The following ZNF804B variants were observed in gnomAD, a reference collection of about 807,000 sequenced individuals.
ZNF804B encodes zinc finger protein 804B.
A neutral mutation model predicts 101.4 loss-of-function variants in ZNF804B; 80 were observed. The ratio of observed to expected loss-of-function variants is 0.79; its 90% CI spans 0.66 to 0.95. The LOEUF (loss-of-function observed/expected upper bound fraction) is 0.95. Among genes scored for constraint, ZNF804B ranks in the 40% least tolerant of loss-of-function variants. The pLI is 0.00. For synonymous variants in ZNF804B, 622 were observed against 558.8 expected (o/e 1.11, Z -1.59); for missense variants, 1,673 against 1,561.9 (o/e 1.07, Z -1.20).
At chr7:88,947,308 A>G (rs889058679) in intron 1 of ZNF804B, among the ~76,000 whole-genome samples, 15 of 152,208 alleles carry the variant, frequency 9.9e-5, no homozygotes, top group African/African-American at 3.6e-4. Context: ...AATGTGGCAT[A>G]TATACAACAT....
chr7:89,278,036 G>A (rs1014118642), intron 2 of ZNF804B, among the ~76,000 whole-genome samples: 7 of 152,226 alleles, frequency 4.6e-5, no homozygotes, highest in South Asian at 4.1e-4. Context: ...TGTAATGATT[G>A]CCATTCTAAC....
chr7:88,922,754 A>G (rs1311687609), intron 1 of ZNF804B, among the ~76,000 whole-genome samples: 2 of 152,032 alleles, frequency 1.3e-5, no homozygotes, highest in Non-Finnish European at 2.9e-5. Flanking sequence ...TCATAATAGT[A>G]ATTTATGAAA....
intron 1 of ZNF804B, among the ~76,000 whole-genome samples, chr7:88,807,973 G>A (rs1790718372): frequency 6.6e-6 from 1 of 152,162 alleles, no homozygotes; most frequent in Non-Finnish European, 1.5e-5. Context: ...TCTGGTTGCT[G>A]TTAGTGTGAG....
intron 1 of ZNF804B, among the ~76,000 whole-genome samples, chr7:88,831,882 C>G (rs1231739926): frequency 6.6e-6 from 1 of 151,700 alleles, no homozygotes; most frequent in Non-Finnish European, 1.5e-5. Context: ...TCCATGTTGC[C>G]TTTTAAAATT....
At chr7:88,768,548 C>G (rs1048888334) in intron 1 of ZNF804B, among the ~76,000 whole-genome samples, 5 of 152,126 alleles carry the variant, frequency 3.3e-5, no homozygotes, top group Non-Finnish European at 2.9e-5. Flanking sequence ...CAAAACCCAT[C>G]TCTACTAAAA....
At chr7:88,854,415 CT>C (rs1370526188) in intron 1 of ZNF804B, among the ~76,000 whole-genome samples, 108 of 51,338 alleles carry the variant, frequency 2.1e-3, no homozygotes, top group Middle Eastern at 0.01. Context: ...TTCTTTCTTC[CT>C]TTCTTTCTTT....
intron 1 of ZNF804B, among the ~76,000 whole-genome samples, chr7:88,801,294 A>C (rs977378568): frequency 6.6e-6 from 1 of 150,944 alleles, no homozygotes; most frequent in African/African-American, 2.4e-5. Context: ...GAGTGGTGGG[A>C]GGAGAGGGGA....
intron 3 of ZNF804B, among the ~76,000 whole-genome samples, chr7:89,331,613 C>T (rs569843066): frequency 9.9e-5 from 15 of 151,500 alleles, no homozygotes; most frequent in Non-Finnish European, 1.9e-4. Context: ...GAAGAGGAGA[C>T]GTTCTAAAAT....
chr7:88,850,372 G>C (rs566599994), intron 1 of ZNF804B, among the ~76,000 whole-genome samples: 1 of 152,154 alleles, frequency 6.6e-6, no homozygotes, highest in East Asian at 1.9e-4. Context: ...AGAGGTGAGA[G>C]ACACACAGAC....
rs147635522 is a variant in ZNF804B, at chr7:88,857,755, T to C, written c.108+97671T>C. Among the ~76,000 whole-genome samples, 71 of 151,890 alleles carry C rather than the reference T, an allele frequency of 4.7e-4. 1 individual carries two copies. Among genetic ancestry groups the C allele is most frequent in the African/African-American group, 1.7e-3 (69 of 41,396 alleles). ...AGAAAAAGAGGGAATCCTCCTTCAT[T>C]TTATGAGGCCAGCATAATCCTGATA... On this transcript the variant is annotated intron_variant, in intron 1 of 3. Coordinates refer to ENST00000333190, the MANE Select transcript of ZNF804B (RefSeq NM_181646.5).
At chr7:88,854,100 C>T (rs904637387) in intron 1 of ZNF804B, among the ~76,000 whole-genome samples, 6 of 151,858 alleles carry the variant, frequency 4.0e-5, no homozygotes, top group African/African-American at 1.5e-4. Flanking sequence ...TAGTGGTTTC[C>T]GTATTTCTTG....
chr7:89,071,230 A>G (rs79024448), intron 1 of ZNF804B, among the ~76,000 whole-genome samples: 2 of 152,124 alleles, frequency 1.3e-5, no homozygotes, highest in Non-Finnish European at 2.9e-5. Flanking sequence ...CACCCCATGC[A>G]TGTGGAACCC....
At chr7:89,324,689 A>G (rs995941947) in intron 2 of ZNF804B, among the ~76,000 whole-genome samples, 5 of 142,392 alleles carry the variant, frequency 3.5e-5, no homozygotes, top group Non-Finnish European at 6.0e-5. Flanking sequence ...CCTCCTGGCT[A>G]AAACACTTTA....
chr7:88,854,549 T>TCCCTTCCCTTC lies in ZNF804B; in HGVS notation c.108+94467_108+94468insCTTCCCTTCCC, dbSNP rs1554340280. Among the ~76,000 whole-genome samples the TCCCTTCCCTTC allele has an allele frequency of 3.3e-5, 4 of 120,388 alleles. No homozygotes were observed. In the East Asian group the frequency reaches 1.1e-3, roughly 34 times the overall value. The allele number at this position is 120,388 out of a possible 152,430, so 79.0% of individuals were successfully genotyped here. Reference sequence around the variant, plus strand: ...TCCTTTCCTTCCTTCCTTCCTTCCTTCCTTCCTTCCTTCCTTCCTTCCTTC... The same window carrying TCCCTTCCCTTC: ...TCCTTTCCTTCCTTCCTTCCTTCCTTCCCTTCCCTTCCCTTCCTTCCTTCCTTCCTTCCTTC... On this transcript the variant is annotated intron_variant, in intron 1 of 3. Transcript: ENST00000333190.
chr7:89,278,340 A>G (rs1208434855), intron 2 of ZNF804B, among the ~76,000 whole-genome samples: 1 of 151,404 alleles, frequency 6.6e-6, no homozygotes, highest in Non-Finnish European at 1.5e-5. Context: ...GCTGTGCAGA[A>G]GCTCTTTAGT....
At chr7:88,884,790 A>G (rs909309429) in intron 1 of ZNF804B, among the ~76,000 whole-genome samples, 3 of 151,936 alleles carry the variant, frequency 2.0e-5, no homozygotes, top group Admixed American at 6.6e-5. Flanking sequence ...AAATTTTTAT[A>G]ATGAACATCC....
intron 1 of ZNF804B, chr7:88,794,780 T>A (rs967737879): frequency 6.2e-7 from 1 of 1,613,808 alleles, no homozygotes. Flanking sequence ...GCTTGTATCT[T>A]GGCCACTAGA....
At chr7:89,282,199 TAAAA>T (rs142207896) in intron 2 of ZNF804B, among the ~76,000 whole-genome samples, 2 of 108,964 alleles carry the variant, frequency 1.8e-5, no homozygotes, top group South Asian at 3.2e-4. Context: ...AGACTCCGTC[TAAAA>T]AAAAAAAAAA....
At chr7:89,159,194 A>C (rs940557862) in intron 1 of ZNF804B, among the ~76,000 whole-genome samples, 1 of 152,170 alleles carries the variant, frequency 6.6e-6, no homozygotes, top group Non-Finnish European at 1.5e-5. Flanking sequence ...AGATGAACTA[A>C]TTAGTTATTT....
Sources: gnomAD v4.1 joint callset for allele counts (sites outside exome capture counted in the v4.1 genomes callset) on GRCh38, gnomAD v4.1.1 for gene constraint, MANE v1.5 for transcripts, NCBI Gene and HGNC (gene_info 2026-07-23, HGNC 2026-07-21) for gene names.